Variants in STAG1 observed in about 807,000 individuals in gnomAD.
STAG1 encodes STAG1 cohesin complex component, also known as cohesin subunit SA-1.
A neutral mutation model predicts 170.9 loss-of-function variants in STAG1; 26 were observed. That is an observed-to-expected ratio of 0.15 (90% CI 0.11 to 0.21). STAG1 has a LOEUF of 0.21. Among genes scored for constraint, STAG1 ranks in the 10% least tolerant of loss-of-function variants. The probability of loss-of-function intolerance (pLI) is 1.00; values close to 1 mark genes in which losing one functional copy is unlikely to be tolerated. For missense variants in STAG1, 964 were observed against 1,509.5 expected (o/e 0.64, Z 5.99); for synonymous variants, 514 against 497.7 (o/e 1.03, Z -0.44).
At chr3:136,705,229 A>G (rs1404468820) in intron 1 of STAG1, among the ~76,000 whole-genome samples, 1 of 152,182 alleles carries the variant, frequency 6.6e-6, no homozygotes, top group African/African-American at 2.4e-5. Flanking sequence ...ACAAAAAATT[A>G]GCCACACGTG....
intron 1 of STAG1, among the ~76,000 whole-genome samples, chr3:136,642,062 C>A (rs1481794676): frequency 1.3e-5 from 2 of 152,080 alleles, no homozygotes; most frequent in African/African-American, 4.8e-5. Flanking sequence ...CATTTCTTTA[C>A]TCTTAGTAAT....
At chr3:136,509,237 G>A (rs1009014953) in intron 7 of STAG1, among the ~76,000 whole-genome samples, 5 of 152,170 alleles carry the variant, frequency 3.3e-5, no homozygotes, top group Admixed American at 6.5e-5. Flanking sequence ...CGACTATCCC[G>A]ATTAAACAGG....
At chr3:136,746,808 G>A (rs1462744021) in intron 1 of STAG1, among the ~76,000 whole-genome samples, 2 of 151,744 alleles carry the variant, frequency 1.3e-5, no homozygotes, top group African/African-American at 4.8e-5. Flanking sequence ...ACAAAAATTA[G>A]CCAGGCAGCC....
chr3:136,734,126 AAAC>A (rs1934203869), intron 1 of STAG1, among the ~76,000 whole-genome samples: 4 of 151,506 alleles, frequency 2.6e-5, no homozygotes, highest in Non-Finnish European at 4.4e-5. Context: ...AAAAAAAACA[AAAC>A]AAAACAAAAA....
intron 15 of STAG1, among the ~76,000 whole-genome samples, chr3:136,435,068 GA>G (rs981011327): frequency 6.6e-6 from 1 of 152,102 alleles, no homozygotes; most frequent in African/African-American, 2.4e-5. Context: ...TTACTGCTTT[GA>G]TTATACTAGA....
At chr3:136,697,955 T>C (rs1425625226) in intron 1 of STAG1, among the ~76,000 whole-genome samples, 1 of 152,106 alleles carries the variant, frequency 6.6e-6, no homozygotes, top group Non-Finnish European at 1.5e-5. Context: ...TCCACAGCCA[T>C]ATTTTACTGT....
At chr3:136,603,023 T>G (rs1269266030) in intron 4 of STAG1, among the ~76,000 whole-genome samples, 1 of 151,820 alleles carries the variant, frequency 6.6e-6, no homozygotes, top group Non-Finnish European at 1.5e-5. Flanking sequence ...CCACACAAAT[T>G]CCAGGACTCT....
intron 1 of STAG1, among the ~76,000 whole-genome samples, chr3:136,734,990 C>T (rs1934255305): frequency 6.6e-6 from 1 of 152,140 alleles, no homozygotes; most frequent in African/African-American, 2.4e-5. Context: ...AGTTTCTGGT[C>T]AGAACTCTTG....
intron 7 of STAG1, among the ~76,000 whole-genome samples, chr3:136,511,104 T>A (rs1934043104): frequency 6.6e-6 from 1 of 152,158 alleles, no homozygotes; most frequent in Non-Finnish European, 1.5e-5. Flanking sequence ...TCTCTGGCAT[T>A]TCCCCTGCTT....
chr3:136,607,473 G>A (rs1390812501), intron 3 of STAG1, among the ~76,000 whole-genome samples: 1 of 152,056 alleles, frequency 6.6e-6, no homozygotes, highest in East Asian at 1.9e-4. Context: ...TGCGATCTTT[G>A]CTCACTGCAA....
chr3:136,748,857 A>C (rs1935085410), intron 1 of STAG1, among the ~76,000 whole-genome samples: 1 of 152,184 alleles, frequency 6.6e-6, no homozygotes, highest in Non-Finnish European at 1.5e-5. Flanking sequence ...AATGCAATAA[A>C]ATTATTTCAT....
At chr3:136,553,605 C>G (rs1936492398) in intron 5 of STAG1, among the ~76,000 whole-genome samples, 1 of 152,058 alleles carries the variant, frequency 6.6e-6, no homozygotes. Flanking sequence ...GAAACCTTGT[C>G]TCTACTAAAA....
chr3:136,360,248 C>T (rs534655774), intron 26 of STAG1, among the ~76,000 whole-genome samples: 1 of 152,244 alleles, frequency 6.6e-6, no homozygotes, highest in African/African-American at 2.4e-5. Flanking sequence ...TAAAGCCATT[C>T]CCTCCTATGT....
chr3:136,602,358 A>G (rs1444029546), intron 4 of STAG1, among the ~76,000 whole-genome samples: 3 of 150,100 alleles, frequency 2.0e-5, no homozygotes, highest in Non-Finnish European at 4.4e-5. Context: ...CAGCCTGGCG[A>G]CAGAGAGACA....
At chr3:136,606,153 C>T (rs577086195) in intron 3 of STAG1, among the ~76,000 whole-genome samples, 20 of 151,244 alleles carry the variant, frequency 1.3e-4, no homozygotes, top group African/African-American at 4.8e-4. Flanking sequence ...TACAATAAAC[C>T]AATACTGATA....
At chr3:136,470,507 G>A (rs571426256) in intron 12 of STAG1, among the ~76,000 whole-genome samples, 1 of 152,330 alleles carries the variant, frequency 6.6e-6, no homozygotes, top group Admixed American at 6.5e-5. Flanking sequence ...AGAGGATGGG[G>A]AGAAATAGGA....
chr3:136,624,124 A>C (rs1174397182), intron 2 of STAG1, among the ~76,000 whole-genome samples: 1 of 151,458 alleles, frequency 6.6e-6, no homozygotes, highest in Non-Finnish European at 1.5e-5. Flanking sequence ...TTTTTGAGAC[A>C]GTCTCACTCT....
intron 1 of STAG1, among the ~76,000 whole-genome samples, chr3:136,690,419 T>G (rs141008994): frequency 1.1e-3 from 163 of 152,294 alleles, no homozygotes; most frequent in Middle Eastern, 6.8e-3. Flanking sequence ...GTATTTTTAG[T>G]AGAGATGAGG....
intron 6 of STAG1, among the ~76,000 whole-genome samples, chr3:136,525,846 G>T (rs537726834): frequency 4.3e-4 from 65 of 152,250 alleles, no homozygotes; most frequent in African/African-American, 1.5e-3. Context: ...CCTTCATTTC[G>T]TTATGTATCC....
Sources: allele counts gnomAD v4.1 joint callset (sites outside exome capture counted in the v4.1 genomes callset), GRCh38; gene constraint gnomAD v4.1.1; transcripts MANE v1.5; gene names NCBI Gene and HGNC (gene_info 2026-07-23, HGNC 2026-07-21).